Variants in ASPRV1 observed in about 807,000 individuals in gnomAD.
The protein encoded by ASPRV1 is retroviral-like aspartic protease 1.
Under a neutral mutation model 11.0 loss-of-function variants are expected in ASPRV1, and 7 were observed. The ratio of observed to expected loss-of-function variants is 0.64; its 90% CI spans 0.36 to 1.20. ASPRV1 has a LOEUF of 1.20. Among genes scored for constraint, ASPRV1 ranks in the 50% most tolerant of loss-of-function variants. The pLI, the probability that ASPRV1 is intolerant of heterozygous loss-of-function variation, is 0.02. For synonymous variants in ASPRV1, 136 were observed against 138.4 expected, an observed-to-expected ratio of 0.98 and a Z score of 0.12; for missense variants, 299 against 320.0, an observed-to-expected ratio of 0.93 and a Z score of 0.50.
chr2:69,987,974 G>A, the ASPRV1 span, among the ~76,000 whole-genome samples: 11 of 152,146 alleles, frequency 7.2e-5, no homozygotes, highest in Non-Finnish European at 1.5e-4. Context: ...CCTAGTCTCC[G>A]GGGGTGCACC....
chr2:69,969,657 C>A, the ASPRV1 span, among the ~76,000 whole-genome samples: 145 of 152,254 alleles, frequency 9.5e-4, no homozygotes, highest in African/African-American at 3.4e-3. Flanking sequence ...CTCCCCACTG[C>A]CCCAGCTGCC....
chr2:70,005,717 T>C, the ASPRV1 span, among the ~76,000 whole-genome samples: 3 of 152,228 alleles, frequency 2.0e-5, no homozygotes, highest in Non-Finnish European at 4.4e-5. Context: ...TCTCCATAGC[T>C]TGTGACTGCA....
chr2:70,058,551 A>ATT, the ASPRV1 span, among the ~76,000 whole-genome samples: 15 of 138,708 alleles, frequency 1.1e-4, no homozygotes, highest in South Asian at 2.3e-4. Flanking sequence ...CTCTGAAGAA[A>ATT]TTTTTTTTTT....
the ASPRV1 span, among the ~76,000 whole-genome samples, chr2:70,006,693 G>GC: frequency 6.6e-6 from 1 of 152,140 alleles, no homozygotes; most frequent in Non-Finnish European, 1.5e-5. Flanking sequence ...AACATCAGCA[G>GC]CCCCTCTGTT....
chr2:70,086,674 T>C, the ASPRV1 span, among the ~76,000 whole-genome samples: 447 of 152,352 alleles, frequency 2.9e-3, 4 homozygotes, highest in South Asian at 0.04. Flanking sequence ...TTGTTTCTAA[T>C]GTCGGAAAAG....
chr2:69,974,811 T>C, the ASPRV1 span, among the ~76,000 whole-genome samples: 2 of 152,070 alleles, frequency 1.3e-5, no homozygotes, highest in African/African-American at 4.8e-5. Context: ...AGAGGTGAAA[T>C]AGTTTTGGGT....
the ASPRV1 span, among the ~76,000 whole-genome samples, chr2:69,972,282 C>T: frequency 5.9e-5 from 9 of 151,678 alleles, no homozygotes; most frequent in Non-Finnish European, 1.2e-4. Context: ...AGGCTGGTCT[C>T]CAACTCTTGA....
chr2:69,941,814 C>T, the ASPRV1 span: 1 of 152,050 alleles, frequency 6.6e-6, no homozygotes, highest in African/African-American at 2.4e-5. Context: ...CTTCTTGCCT[C>T]TTCCCCATCC....
At chr2:70,083,879 A>T in the ASPRV1 span, among the ~76,000 whole-genome samples, 3,697 of 152,290 alleles carry the variant, frequency 0.024, 342 homozygotes, top group Admixed American at 0.17. Context: ...TGAGTTGTAG[A>T]AGTCTCAGAG....
chr2:69,979,905 T>C, the ASPRV1 span, among the ~76,000 whole-genome samples: 1 of 152,192 alleles, frequency 6.6e-6, no homozygotes, highest in Non-Finnish European at 1.5e-5. Flanking sequence ...GAGGATGCTT[T>C]ACACAGTGAC....
At chr2:69,950,845 A>AAATG in the ASPRV1 span, among the ~76,000 whole-genome samples, 1 of 8,036 alleles carries the variant, frequency 1.2e-4, no homozygotes, top group Non-Finnish European at 2.6e-4. Context: ...TCTGTCTCAA[A>AAATG]AATAAATAAA....
chr2:69,985,571 C>T, the ASPRV1 span, among the ~76,000 whole-genome samples: 2 of 152,212 alleles, frequency 1.3e-5, no homozygotes, highest in African/African-American at 4.8e-5. Context: ...TTGGCCAACC[C>T]ATCAGCCCTG....
chr2:70,045,211 G>C, the ASPRV1 span: 1 of 152,154 alleles, frequency 6.6e-6, no homozygotes, highest in African/African-American at 2.4e-5. Context: ...AAAGCTCTGT[G>C]AAAACAGCAT....
At chr2:70,009,465 G>A in the ASPRV1 span, among the ~76,000 whole-genome samples, 1 of 152,130 alleles carries the variant, frequency 6.6e-6, no homozygotes, top group Non-Finnish European at 1.5e-5. Flanking sequence ...GAGTAGCTGG[G>A]ATTACAGGCA....
chr2:70,028,620 G>C, the ASPRV1 span: 1 of 152,178 alleles, frequency 6.6e-6, no homozygotes, highest in East Asian at 1.9e-4. Context: ...AGTGTTGAGA[G>C]GTAGGATCTT....
At chr2:69,951,469 GTGTGTGTGTGTGTGTA>G in the ASPRV1 span, among the ~76,000 whole-genome samples, 3,409 of 135,340 alleles carry the variant, frequency 0.025, 166 homozygotes, top group East Asian at 0.22. Context: ...GTGTGTGTGT[GTGTGTGTGTGTGTGTA>G]TATCTATATG....
chr2:70,053,683 C>T, the ASPRV1 span: 2 of 152,204 alleles, frequency 1.3e-5, no homozygotes, highest in Non-Finnish European at 2.9e-5. Context: ...AGTCTACAAA[C>T]TATCAAGTCT....
At chr2:69,995,707 G>C in the ASPRV1 span, among the ~76,000 whole-genome samples, 1 of 152,130 alleles carries the variant, frequency 6.6e-6, no homozygotes, top group African/African-American at 2.4e-5. Context: ...ACACAGGGCA[G>C]AAGGGAGGGC....
the ASPRV1 span, among the ~76,000 whole-genome samples, chr2:69,990,943 C>A: frequency 6.6e-6 from 1 of 152,188 alleles, no homozygotes; most frequent in African/African-American, 2.4e-5. Context: ...CTGTGTAGAC[C>A]CTCCTTTGGC....
Sources: gnomAD v4.1 joint callset for allele counts (sites outside exome capture counted in the v4.1 genomes callset) on GRCh38, gnomAD v4.1.1 for gene constraint, MANE v1.5 for transcripts, NCBI Gene and HGNC (gene_info 2026-07-23, HGNC 2026-07-21) for gene names.